Variants in LRRC56 observed in about 807,000 individuals in gnomAD.
The protein encoded by LRRC56 is leucine rich repeat containing 56, also known as leucine-rich repeat-containing protein 56.
LRRC56 carries 41 observed loss-of-function variants against 47.8 expected under a neutral mutation model. That is an observed-to-expected ratio of 0.86 (90% CI 0.67 to 1.11). The LOEUF (loss-of-function observed/expected upper bound fraction) is 1.11. LRRC56 is among the 50% of genes most tolerant of loss of function. The probability of loss-of-function intolerance (pLI) is 0.00; values close to 1 mark genes in which losing one functional copy is unlikely to be tolerated. For synonymous variants in LRRC56, 387 were observed against 311.2 expected, an observed-to-expected ratio of 1.24 and a Z score of -2.56; for missense variants, 759 against 704.2, an observed-to-expected ratio of 1.08 and a Z score of -0.88.
chr11:548,617 C>T (rs1852208849), intron 6 of LRRC56, among the ~76,000 whole-genome samples: 1 of 152,170 alleles, frequency 6.6e-6, no homozygotes, highest in Admixed American at 6.5e-5. Flanking sequence ...GCCACCACGC[C>T]TGGCTAATTT....
At chr11:552,368 C>G (rs1039184064) in intron 12 of LRRC56, 136 bp downstream of exon 12, 1 of 1,335,458 alleles carries the variant, frequency 7.5e-7, no homozygotes, top group Admixed American at 2.3e-5. Flanking sequence ...GTGGGGGGAT[C>G]AGGGCTGGGG....
Position 546,116 on chromosome 11 carries a change from C to G in LRRC56, c.326+1336C>G, listed in dbSNP as rs185936337. Among the ~76,000 whole-genome samples the G allele has an allele frequency of 4.2e-3, 640 of 151,892 alleles. 4 individuals carry two copies. Among genetic ancestry groups the G allele is most frequent in the Non-Finnish European group, 5.6e-3 (378 of 67,980 alleles). ...AGAAATCCCATCTCTACTAAAAATA[C>G]AAAATTAGCCGTGCATGGTGGCACA... On this transcript the variant is annotated intron_variant, in intron 6 of 13. Transcript: ENST00000270115.
chr11:540,825 GC>G lies in LRRC56; in HGVS notation c.142del (p.Gln48SerfsTer24). On this transcript the variant is annotated frameshift_variant, in exon 4 of 14. Transcript: ENST00000270115. LOFTEE classifies it high-confidence loss of function. ...PGSQRDRLGEQLVEEYLSPAR... is the reference protein window; with the variant it reads ...PGSQRDRLGEXLVEEYLSPAR... ...GCAGTCAGAGGGACAGACTTGGAGAGCAGCTGGTGGAAGAGTACCTGTCCCC... is the reference window on the plus strand; with the variant it reads ...GCAGTCAGAGGGACAGACTTGGAGAGAGCTGGTGGAAGAGTACCTGTCCCC... 2 of 1,588,744 alleles carry G rather than the reference GC, an allele frequency of 1.3e-6. No homozygotes were observed. The highest frequency in any genetic ancestry group is 1.7e-4 in the Middle Eastern group (1 of 5,848).
the LRRC56 span, chr11:532,209 G>A: frequency 5.9e-5 from 21 of 354,108 alleles, no homozygotes; most frequent in South Asian, 1.7e-4. Context: ...GGCCACACGC[G>A]CACCGTGTCC....
At position 552,696 on chromosome 11, in the gene LRRC56, G is replaced by A; in HGVS notation, c.1309G>A (p.Ala437Thr). The A allele has an allele frequency of 1.2e-6, 2 of 1,605,300 alleles. No homozygotes were observed. The highest frequency in any genetic ancestry group is 2.2e-5 in the South Asian group (2 of 90,078). ...PKTPSSPPSL[A>T]SEPSGTSSQH... ...GACTCCCTCCAGCCCCCCAAGCCTG[G>A]CCTCAGGTACTGAGCCTGCCCGCCT... is the stretch of plus-strand genomic sequence containing the variant. The change falls in exon 13 of 14, where the codon GCC becomes ACC. Residue 437 changes from alanine (A) to threonine (T), a missense_variant. By Grantham distance (58) the Ala-to-Thr change is moderately conservative. Coordinates refer to ENST00000270115, the MANE Select transcript of LRRC56 (RefSeq NM_198075.4).
the LRRC56 span, among the ~76,000 whole-genome samples, chr11:515,104 G>A: frequency 6.6e-6 from 1 of 152,110 alleles, no homozygotes; most frequent in African/African-American, 2.4e-5. Flanking sequence ...CTGAAGTTGG[G>A]GTCATGTCCC....
the LRRC56 span, among the ~76,000 whole-genome samples, chr11:521,345 A>G: frequency 1.3e-5 from 2 of 152,108 alleles, no homozygotes; most frequent in Non-Finnish European, 1.5e-5. Flanking sequence ...GTGCGTTTTG[A>G]GACAGGCATC....
chr11:540,979 T>C, intron 4 of LRRC56, 118 bp downstream of exon 4: 1 of 916,158 alleles, frequency 1.1e-6, no homozygotes, highest in South Asian at 1.8e-5. Context: ...TCTTGCCTGC[T>C]GATGGTTGGC....
chr11:553,412 G>A (rs1463201258), intron 13 of LRRC56, among the ~76,000 whole-genome samples: 1 of 152,158 alleles, frequency 6.6e-6, no homozygotes, highest in East Asian at 1.9e-4. Context: ...CCATATGGTG[G>A]TGGGTGTCTG....
chr11:552,685 C>A lies in LRRC56; in HGVS notation c.1298C>A (p.Pro433His). 3 of 1,608,204 alleles carry A rather than the reference C, an allele frequency of 1.9e-6. No individual in the cohort carries two copies. The highest frequency in any genetic ancestry group is 1.7e-6 in the Non-Finnish European group (2 of 1,177,426). ...GCAGAGCCCAAGACTCCCTCCAGCCCCCCAAGCCTGGCCTCAGGTACTGAG... is the reference window on the plus strand; with the variant it reads ...GCAGAGCCCAAGACTCCCTCCAGCCACCCAAGCCTGGCCTCAGGTACTGAG... ...HQAEPKTPSS[P>H]PSLASEPSGT... Residue 433 changes from proline to histidine, a missense_variant, in exon 13 of 14, where the codon CCC (proline) becomes CAC (histidine). Pro to His is a moderately conservative substitution (Grantham distance 77). Coordinates refer to ENST00000270115, the MANE Select transcript of LRRC56 (RefSeq NM_198075.4).
At chr11:525,660 C>T in the LRRC56 span, among the ~76,000 whole-genome samples, 2 of 152,108 alleles carry the variant, frequency 1.3e-5, no homozygotes, top group Non-Finnish European at 2.9e-5. Flanking sequence ...CTTAGAGAGG[C>T]TGAGGCAGAA....
intron 6 of LRRC56, 126 bp from the exon 7 acceptor site, chr11:549,776 C>T (rs576237396): frequency 4.2e-6 from 3 of 720,774 alleles, no homozygotes; most frequent in African/African-American, 1.8e-5. Context: ...GCAGAGAGCC[C>T]CTTCCTCAGT....
the LRRC56 span, among the ~76,000 whole-genome samples, chr11:508,912 G>A: frequency 3.3e-5 from 5 of 152,100 alleles, no homozygotes; most frequent in Non-Finnish European, 7.4e-5. Flanking sequence ...AGGCATGGTG[G>A]TGCATGCCTG....
chr11:553,766 G>A (rs556298285), intron 13 of LRRC56, among the ~76,000 whole-genome samples, 197 bp from the exon 14 acceptor site: 48 of 152,282 alleles, frequency 3.2e-4, no homozygotes, highest in African/African-American at 1.1e-3. Flanking sequence ...CTGCCCCAGA[G>A]GTGGGCCCGC....
the LRRC56 span, among the ~76,000 whole-genome samples, chr11:518,849 C>G: frequency 2.6e-5 from 4 of 151,714 alleles, no homozygotes; most frequent in African/African-American, 9.7e-5. Context: ...CCCGAACGCG[C>G]GAGCGAGGCC....
At chr11:551,045 TG>T in intron 8 of LRRC56, 85 bp from the exon 9 acceptor site, 1 of 802,166 alleles carries the variant, frequency 1.2e-6, no homozygotes, top group Non-Finnish European at 1.9e-6. Flanking sequence ...ACGGTGGGTC[TG>T]GGAAAGGGAG....
At chr11:518,684 G>A in the LRRC56 span, among the ~76,000 whole-genome samples, 2 of 152,122 alleles carry the variant, frequency 1.3e-5, no homozygotes, top group African/African-American at 4.8e-5. Flanking sequence ...GAGGAGGCAC[G>A]CACGAGCCGA....
At chr11:516,545 A>G in the LRRC56 span, among the ~76,000 whole-genome samples, 3 of 152,238 alleles carry the variant, frequency 2.0e-5, no homozygotes, top group Non-Finnish European at 4.4e-5. Flanking sequence ...TAATACAAAT[A>G]TAAGTGCACA....
At position 551,037 on chromosome 11, in the gene LRRC56, G is replaced by T. The variant is rs773360911; in HGVS notation, c.625-94G>T. 6.8e-6 allele frequency: 5 copies of T among 730,824 alleles called. No homozygotes were observed. In the South Asian group the frequency reaches 1.1e-4, roughly 16 times the overall value. 45.3% of individuals were successfully genotyped at this position (730,824 alleles called of 1,614,324 possible). ...CCTCTGGGCCCCTGCCCTGCCCCACGGTGGGTCTGGGAAAGGGAGCCAGGG... is the reference window on the plus strand; with the variant it reads ...CCTCTGGGCCCCTGCCCTGCCCCACTGTGGGTCTGGGAAAGGGAGCCAGGG... On this transcript the variant is annotated intron_variant, in intron 8 of 13. Transcript: ENST00000270115.
Sources: gnomAD v4.1 joint callset for allele counts (sites outside exome capture counted in the v4.1 genomes callset) on GRCh38, gnomAD v4.1.1 for gene constraint, MANE v1.5 for transcripts, NCBI Gene and HGNC (gene_info 2026-07-23, HGNC 2026-07-21) for gene names.